TRPM4: variants seen among roughly 807,000 people sequenced by gnomAD.
The protein encoded by TRPM4 is calcium-activated non-selective cation channel 1.
Under a neutral mutation model 135.6 loss-of-function variants are expected in TRPM4, and 124 were observed. That is an observed-to-expected ratio of 0.91 (90% CI 0.79 to 1.06). TRPM4 has a LOEUF of 1.06. Among genes scored for constraint, TRPM4 ranks in the 50% least tolerant of loss-of-function variants. The probability of loss-of-function intolerance (pLI) is 0.00; values close to 1 mark genes in which losing one functional copy is unlikely to be tolerated. For synonymous variants in TRPM4, 745 were observed against 705.6 expected (o/e 1.06, Z -0.88); for missense variants, 1,658 against 1,671.4 (o/e 0.99, Z 0.14).
chr19:49,210,238 G>T lies in TRPM4; in HGVS notation c.3161G>T (p.Ser1054Ile), dbSNP rs767486948. 1.2e-6 allele frequency: 2 copies of T among 1,614,244 alleles called. No homozygotes were observed. The highest frequency in any genetic ancestry group is 2.2e-5 in the South Asian group (2 of 91,082). ...ACATTCGGCAAAGTACAGGGCAACA[G>T]CGATCTCTACTGGAAGGCGCAGCGT... ...SYTFGKVQGN[S>I]DLYWKAQRYR... The change falls in exon 21 of 25, where the codon AGC becomes ATC. Residue 1054 changes from serine (S) to isoleucine (I), a missense_variant. Coordinates refer to ENST00000252826, the MANE Select transcript of TRPM4 (RefSeq NM_017636.4). The surrounding 1 kb of genome is among the most constrained non-coding windows in gnomAD (Gnocchi z 4.1).
intron 10 of TRPM4, 150 bp from the exon 11 acceptor site, chr19:49,182,425 TACC>T: frequency 1.5e-6 from 1 of 673,064 alleles, no homozygotes; most frequent in East Asian, 2.9e-5. Context: ...TCCATCCATC[TACC>T]TATCCATTCA....
In TRPM4 at chr19:49,171,266, A is replaced by T; in HGVS notation, c.797-91A>T. ...TGAACAGAAGATTAGGACAAGGCTG[A>T]TGTTTGCCGACTCCTGGGAAATGCG... On this transcript the variant is annotated intron_variant, in intron 6 of 24. Coordinates refer to ENST00000252826, the MANE Select transcript of TRPM4 (RefSeq NM_017636.4). This position sits in a 1 kb window ranked among gnomAD's most constrained non-coding sequence, Gnocchi z 4.7. 1 of 1,328,590 alleles carries T rather than the reference A, an allele frequency of 7.5e-7. No homozygotes were observed. The highest frequency in any genetic ancestry group is 1.7e-5 in the Admixed American group (1 of 59,536). The allele number at this position is 1,328,590 out of a possible 1,614,324, so 82.3% of individuals were successfully genotyped here. A position where few individuals can be genotyped will look rare whatever the true frequency, so the allele number is the denominator to read the frequency against.
In TRPM4 at chr19:49,168,024, G is replaced by A. The variant is rs34333830; in HGVS notation, c.375G>A (p.Ser125=). ...PNLVVSVLGG[S]GGPVLQTWLQ... ...TGGTGGTGTCAGTGCTGGGGGGATC[G>A]GGGGGCCCCGTCCTCCAGACCTGGC... Residue 125 remains serine (S), a synonymous_variant, in exon 4 of 25, where the codon TCG becomes TCA. Coordinates refer to ENST00000252826, the MANE Select transcript of TRPM4 (RefSeq NM_017636.4). 0.051 allele frequency: 82,699 copies of A among 1,611,150 alleles called. 2,483 individuals carry two copies. The highest frequency in any genetic ancestry group is 0.12 in the East Asian group (5,454 of 44,878).
intron 2 of TRPM4, among the ~76,000 whole-genome samples, chr19:49,163,198 ATT>A (rs71179098): frequency 5.8e-4 from 84 of 145,288 alleles, no homozygotes; most frequent in South Asian, 1.1e-3. Flanking sequence ...TATTATTATT[ATT>A]TTTTTTTTTT....
chr19:49,168,238 A>G, intron 4 of TRPM4, 22 bp from the exon 5 acceptor site: 1 of 1,613,934 alleles, frequency 6.2e-7, no homozygotes, highest in Non-Finnish European at 8.5e-7. Context: ...CTGCCTCTGC[A>G]TGTTCCTCGG....
At chr19:49,189,911 C>G (rs1968346189) in intron 14 of TRPM4, among the ~76,000 whole-genome samples, 1 of 152,078 alleles carries the variant, frequency 6.6e-6, no homozygotes, top group South Asian at 2.1e-4. Flanking sequence ...TCATGTGTAC[C>G]AAGGAGGAGA....
intron 16 of TRPM4, among the ~76,000 whole-genome samples, chr19:49,192,902 AC>A (rs1345586795): frequency 6.6e-6 from 1 of 152,090 alleles, no homozygotes; most frequent in African/African-American, 2.4e-5. Context: ...AAACATTTGG[AC>A]CACTGAGAAA....
chr19:49,173,486 C>T (rs1967552963), intron 9 of TRPM4, among the ~76,000 whole-genome samples: 1 of 152,218 alleles, frequency 6.6e-6, no homozygotes, highest in Non-Finnish European at 1.5e-5. Flanking sequence ...TTCTTCCTTC[C>T]CTACATGCTT....
At chr19:49,206,959 A>G (rs1327135634) in intron 20 of TRPM4, among the ~76,000 whole-genome samples, 12 of 152,082 alleles carry the variant, frequency 7.9e-5, no homozygotes, top group Admixed American at 7.9e-4. Context: ...TGGATTGTTC[A>G]TTGCGGGTGT....
intron 2 of TRPM4, among the ~76,000 whole-genome samples, chr19:49,164,297 T>TCCCTC (rs1568455297): frequency 8.5e-5 from 5 of 58,984 alleles, no homozygotes; most frequent in Non-Finnish European, 1.9e-4. Context: ...CTCCCTCCCT[T>TCCCTC]CCTTCCTTCC....
At chr19:49,201,172 G>GTACACGGAAC (rs1968921668) in intron 19 of TRPM4, among the ~76,000 whole-genome samples, 1 of 151,864 alleles carries the variant, frequency 6.6e-6, no homozygotes, top group African/African-American at 2.4e-5. Context: ...GAACAAAGGA[G>GTACACGGAAC]ATAGGGTCAT....
chr19:49,171,932 C>T lies in TRPM4; in HGVS notation c.1051-77C>T. 1 of 1,420,292 alleles carries T rather than the reference C, an allele frequency of 7.0e-7. No individual in the cohort carries two copies. Among genetic ancestry groups the T allele is most frequent in the South Asian group, 1.1e-5 (1 of 87,022 alleles). The allele number at this position is 1,420,292 out of a possible 1,614,324, so 88.0% of individuals were successfully genotyped here. A position where few individuals can be genotyped will look rare whatever the true frequency, so the allele number is the denominator to read the frequency against. ...TTAGGTCCTGGAGGGGAATGGCCTC[C>T]TCCATCCCTTTGGACAGGGCCCAAC... is the stretch of plus-strand genomic sequence containing the variant. On this transcript the variant is annotated intron_variant, in intron 8 of 24. Coordinates refer to ENST00000252826, the MANE Select transcript of TRPM4 (RefSeq NM_017636.4). This position sits in a 1 kb window ranked among gnomAD's most constrained non-coding sequence, Gnocchi z 4.7.
chr19:49,206,434 CCTTTTTTTTTTTT>C (rs1027135750), intron 20 of TRPM4, among the ~76,000 whole-genome samples: 126 of 149,750 alleles, frequency 8.4e-4, no homozygotes, highest in African/African-American at 2.8e-3. Context: ...CTTTTTTTTT[CCTTTTTTTTTTTT>C]CTTTTTTTTG....
Position 49,211,339 on chromosome 19 carries a change from G to C in TRPM4, c.3640+70G>C. 8 of 1,576,716 alleles carry C rather than the reference G, an allele frequency of 5.1e-6. No individual in the cohort carries two copies. Among genetic ancestry groups the C allele is most frequent in the Non-Finnish European group, 6.9e-6 (8 of 1,153,296 alleles). On this transcript the variant is annotated intron_variant, in intron 24 of 24. Coordinates refer to ENST00000252826, the MANE Select transcript of TRPM4 (RefSeq NM_017636.4). This position sits in a 1 kb window ranked among gnomAD's most constrained non-coding sequence, Gnocchi z 4.8. ...GTATTTTTGCGTGTTTTTCTCTCTC[G>C]GCACCTTTCCAGTGTCCCTGGGTCA...
chr19:49,204,861 G>A (rs139418781), intron 20 of TRPM4, among the ~76,000 whole-genome samples: 3,191 of 149,172 alleles, frequency 0.021, 47 homozygotes, highest in Non-Finnish European at 0.031. Flanking sequence ...CGTGCCCAGC[G>A]GCTATTTTTT....
chr19:49,164,143 A>G (rs969107949), intron 2 of TRPM4, among the ~76,000 whole-genome samples: 2 of 152,028 alleles, frequency 1.3e-5, no homozygotes, highest in Non-Finnish European at 2.9e-5. Context: ...GTCTCCCCTG[A>G]TATCTGAACT....
chr19:49,210,462 G>A lies in TRPM4; in HGVS notation c.3328+57G>A, dbSNP rs2145996919. On this transcript the variant is annotated intron_variant, in intron 21 of 24. Coordinates refer to ENST00000252826, the MANE Select transcript of TRPM4 (RefSeq NM_017636.4). The surrounding 1 kb of genome is among the most constrained non-coding windows in gnomAD (Gnocchi z 4.1). The stretch of plus-strand genomic sequence containing the variant: ...ATATAGGGGACCGGGAGCCTGGAAG[G>A]CGAGGGGAAGGGGGCATGCCCCAAA... 2.5e-6 allele frequency: 4 copies of A among 1,587,612 alleles called. No individual in the cohort carries two copies. The highest frequency in any genetic ancestry group is 1.7e-5 in the Admixed American group (1 of 59,186).
chr19:49,209,371 A>G (rs1969266082), intron 20 of TRPM4, among the ~76,000 whole-genome samples: 1 of 152,204 alleles, frequency 6.6e-6, no homozygotes, highest in Non-Finnish European at 1.5e-5. Context: ...AATATTTGAT[A>G]GAATTCACCA....
chr19:49,164,683 C>A (rs1967106471), intron 2 of TRPM4, among the ~76,000 whole-genome samples: 1 of 60,858 alleles, frequency 1.6e-5, no homozygotes, highest in South Asian at 7.4e-4. Flanking sequence ...CGCCCGGCCT[C>A]TTGCTTGCTT....
Sources: allele counts gnomAD v4.1 joint callset (sites outside exome capture counted in the v4.1 genomes callset), GRCh38; gene constraint gnomAD v4.1.1; non-coding constraint Gnocchi (gnomAD v3.1); transcripts MANE v1.5; gene names NCBI Gene and HGNC (gene_info 2026-07-23, HGNC 2026-07-21).